ACOT9: variants seen among roughly 807,000 people sequenced by gnomAD.
The protein encoded by ACOT9 is acyl-CoA thioesterase 9, also known as acyl-coenzyme A thioesterase 9, mitochondrial.
A neutral mutation model predicts 39.7 loss-of-function variants in ACOT9; 34 were observed. The ratio of observed to expected loss-of-function variants is 0.86; its 90% CI spans 0.65 to 1.14. The LOEUF is 1.14. ACOT9 is among the 50% of genes most tolerant of loss of function. The pLI is 0.00. For synonymous variants in ACOT9, 110 were observed against 120.5 expected, an observed-to-expected ratio of 0.91 and a Z score of 0.57; for missense variants, 313 against 344.1, an observed-to-expected ratio of 0.91 and a Z score of 0.71.
chrX:23,727,300 G>A (rs749597587), intron 6 of ACOT9, among the ~76,000 whole-genome samples: 8 of 111,731 alleles, frequency 7.2e-5, no homozygotes, highest in Admixed American at 3.8e-4. Flanking sequence ...AGAAGTTAAT[G>A]AGCAAGAAAG....
At chrX:23,742,382 G>A (rs1488394776) in intron 1 of ACOT9, among the ~76,000 whole-genome samples, 3 of 110,642 alleles carry the variant, frequency 2.7e-5, no homozygotes, top group Non-Finnish European at 5.7e-5. Context: ...TGAGCCCCCT[G>A]GGATGCAGCC....
chrX:23,727,418 T>C (rs1388364658), intron 6 of ACOT9, among the ~76,000 whole-genome samples: 1 of 110,631 alleles, frequency 9.0e-6, no homozygotes, highest in Non-Finnish European at 1.9e-5. Flanking sequence ...CTCGACTTCC[T>C]GGGCTGAAGC....
At chrX:23,721,798 G>A (rs1256303204) in intron 8 of ACOT9, 83 bp downstream of exon 8, 13 of 785,403 alleles carry the variant, frequency 1.7e-5, no homozygotes, top group Non-Finnish European at 2.4e-5. Flanking sequence ...CCTGTCTACA[G>A]ATACATAGGT....
chrX:23,719,321 A>G (rs1012565292), intron 8 of ACOT9, among the ~76,000 whole-genome samples: 8 of 112,034 alleles, frequency 7.1e-5, no homozygotes, highest in Non-Finnish European at 1.5e-4. Flanking sequence ...ATGGGAATTG[A>G]AAGATTCAAT....
chrX:23,735,703 G>C (rs927810638), intron 2 of ACOT9, among the ~76,000 whole-genome samples: 5 of 111,270 alleles, frequency 4.5e-5, no homozygotes, highest in Non-Finnish European at 9.4e-5. Flanking sequence ...AGTCCTCAAG[G>C]CTCCCAGGAA....
Position 23,722,490 on chromosome X carries a change from G to A in ACOT9, c.484+180C>T, listed in dbSNP as rs543072598. Among the ~76,000 whole-genome samples, 8 of 109,865 alleles carry A rather than the reference G, an allele frequency of 7.3e-5. No homozygotes were observed. The South Asian group carries it at 3.1e-3, about 43-fold the overall frequency. ...GAGGCAGGAGAATTGCTTGAACCTG[G>A]GAGGCGAAGGTTGCAGTGAGCCAAG... On this transcript the variant is annotated intron_variant, in intron 7 of 15. Transcript: ENST00000379303.
At chrX:23,714,033 T>C (rs982891193) in intron 8 of ACOT9, among the ~76,000 whole-genome samples, 3 of 110,417 alleles carry the variant, frequency 2.7e-5, no homozygotes, top group African/African-American at 9.9e-5. Flanking sequence ...AAACATCCCA[T>C]CTCCAAAACA....
At chrX:23,742,685 T>G (rs965697153) in intron 1 of ACOT9, among the ~76,000 whole-genome samples, 11 of 111,134 alleles carry the variant, frequency 9.9e-5, no homozygotes, top group African/African-American at 3.6e-4. Context: ...ACAACAAACT[T>G]AAGTAAGAGC....
At chrX:23,727,712 G>C (rs983893640) in intron 6 of ACOT9, among the ~76,000 whole-genome samples, 2 of 109,366 alleles carry the variant, frequency 1.8e-5, no homozygotes, top group African/African-American at 6.6e-5. Context: ...TATTTTAAAA[G>C]TTAGGGCCTG....
Position 23,734,374 on chromosome X carries a change from G to GA in ACOT9, c.119-8dup. ...ACATGTATAGATGAACATGCTATAT[G>GA]AATAAAGGGAAAATCAATTAGAGAA... On this transcript the variant is annotated splice_region_variant and splice_polypyrimidine_tract_variant and intron_variant, in intron 2 of 15. Transcript: ENST00000379303. 8.5e-7 allele frequency: 1 copy of GA among 1,169,920 alleles called. No individual in the cohort carries two copies. The highest frequency in any genetic ancestry group is 1.2e-6 in the Non-Finnish European group (1 of 865,141).
intron 8 of ACOT9, among the ~76,000 whole-genome samples, chrX:23,719,980 A>G (rs866717424): frequency 0.014 from 1,489 of 107,703 alleles, 14 homozygotes; most frequent in Non-Finnish European, 0.02. Context: ...GATTACAGGC[A>G]CCCGCCACCA....
chrX:23,707,727 G>T, intron 10 of ACOT9, 150 bp downstream of exon 10: 1 of 390,620 alleles, frequency 2.6e-6, no homozygotes, highest in Non-Finnish European at 4.3e-6. Context: ...GAGACAGAGA[G>T]ACTCCATTTC....
intron 10 of ACOT9, chrX:23,707,113 A>G (rs28693879): frequency 0.15 from 17,791 of 121,240 alleles, 1,153 homozygotes; most frequent in Non-Finnish European, 0.19. Flanking sequence ...CCTGGGCAAC[A>G]TAGTGAGACC....
intron 8 of ACOT9, 26 bp from the exon 9 acceptor site, chrX:23,713,234 A>G (rs762354437): frequency 8.9e-7 from 1 of 1,128,285 alleles, no homozygotes; most frequent in Non-Finnish European, 1.2e-6. Flanking sequence ...AAGAAAATGT[A>G]CATATGAGAA....
chrX:23,726,472 G>A (rs1929525814), intron 6 of ACOT9, among the ~76,000 whole-genome samples: 1 of 110,299 alleles, frequency 9.1e-6, no homozygotes, highest in Non-Finnish European at 1.9e-5. Flanking sequence ...GGCCAATGGC[G>A]AGCTTGGCAA....
At chrX:23,742,973 C>T (rs1920994624) in intron 1 of ACOT9, 152 bp downstream of exon 1, 3 of 683,566 alleles carry the variant, frequency 4.4e-6, no homozygotes, top group African/African-American at 4.5e-5. Context: ...TATGTCCGGT[C>T]GGAGGTACAG....
In ACOT9 at chrX:23,743,152, G is replaced by C; in HGVS notation, c.-8C>G. 8.6e-7 allele frequency: 1 copy of C among 1,156,711 alleles called. No individual in the cohort carries two copies. The highest frequency in any genetic ancestry group is 1.2e-6 in the Non-Finnish European group (1 of 866,923). Reference sequence around the variant, plus strand: ...CAGTGCTGCCCGCCTCATTGCGCTAGGCTGCCGTGCGCGCGATGGAGAACC... The same window carrying C: ...CAGTGCTGCCCGCCTCATTGCGCTACGCTGCCGTGCGCGCGATGGAGAACC... On this transcript the variant is annotated 5_prime_UTR_variant, in exon 1 of 16. Coordinates refer to ENST00000379303, the MANE Select transcript of ACOT9 (RefSeq NM_001037171.2).
chrX:23,720,986 C>T (rs1352769957), intron 8 of ACOT9, among the ~76,000 whole-genome samples: 1 of 111,621 alleles, frequency 9.0e-6, no homozygotes, highest in Non-Finnish European at 1.9e-5. Context: ...GCCTGTAATC[C>T]CAGCATTTGG....
intron 4 of ACOT9, among the ~76,000 whole-genome samples, 180 bp from the exon 5 acceptor site, chrX:23,731,166 C>T (rs1235803192): frequency 8.9e-6 from 1 of 112,156 alleles, no homozygotes; most frequent in East Asian, 2.8e-4. Context: ...TTTCCGGTAT[C>T]ATTTCTCAAG....
Sources: allele counts gnomAD v4.1 joint callset (sites outside exome capture counted in the v4.1 genomes callset), GRCh38; gene constraint gnomAD v4.1.1; transcripts MANE v1.5; gene names NCBI Gene and HGNC (gene_info 2026-07-23, HGNC 2026-07-21).